The following ATG10 variants were observed in gnomAD, a reference collection of about 807,000 sequenced individuals.
The protein encoded by ATG10 is ubiquitin-like-conjugating enzyme ATG10.
Under a neutral mutation model 32.1 loss-of-function variants are expected in ATG10, and 30 were observed. The ratio of observed to expected loss-of-function variants is 0.94; its 90% confidence interval spans 0.70 to 1.27. The LOEUF is 1.27. ATG10 is among the 50% of genes most tolerant of loss of function. The pLI is 0.00. For missense variants in ATG10, 233 were observed against 262.3 expected (o/e 0.89, Z 0.77); for synonymous variants, 87 against 91.5 (o/e 0.95, Z 0.28).
intron 2 of ATG10, among the ~76,000 whole-genome samples, chr5:82,045,389 T>C (rs1480894914): frequency 6.6e-6 from 1 of 152,078 alleles, no homozygotes; most frequent in Non-Finnish European, 1.5e-5. Context: ...ACCTTAAAAT[T>C]AGGAACACAG....
chr5:82,139,952 C>T (rs1380315281), intron 3 of ATG10, among the ~76,000 whole-genome samples: 227 of 134,762 alleles, frequency 1.7e-3, no homozygotes, highest in African/African-American at 6.0e-3. Context: ...GGGGTCAGCC[C>T]TCCGCCCGGC....
At chr5:82,248,453 T>C (rs1325703016) in intron 5 of ATG10, among the ~76,000 whole-genome samples, 2 of 152,090 alleles carry the variant, frequency 1.3e-5, no homozygotes, top group African/African-American at 4.8e-5. Flanking sequence ...TCTGGGGACA[T>C]TGGGGAAGAG....
chr5:82,042,139 C>T (rs1018179326), intron 2 of ATG10, among the ~76,000 whole-genome samples: 1 of 152,114 alleles, frequency 6.6e-6, no homozygotes, highest in Admixed American at 6.6e-5. Flanking sequence ...TTAATTGACT[C>T]ACAGTTCTGC....
chr5:82,114,421 T>C (rs969416106), intron 3 of ATG10, among the ~76,000 whole-genome samples: 2 of 152,088 alleles, frequency 1.3e-5, no homozygotes, highest in Non-Finnish European at 2.9e-5. Context: ...ATAGAAATTA[T>C]ACTATGCGTA....
At chr5:82,139,710 T>TGGGG (rs1377445803) in intron 3 of ATG10, among the ~76,000 whole-genome samples, 2 of 116,956 alleles carry the variant, frequency 1.7e-5, no homozygotes, top group East Asian at 5.2e-4. Flanking sequence ...GGGAGGGAGG[T>TGGGG]GGGGGGGGGT....
chr5:82,165,132 A>G (rs570520857), intron 4 of ATG10, among the ~76,000 whole-genome samples: 4 of 152,326 alleles, frequency 2.6e-5, no homozygotes, highest in African/African-American at 7.2e-5. Context: ...TTATTTAATC[A>G]GCAGCCACAT....
intron 2 of ATG10, among the ~76,000 whole-genome samples, chr5:82,044,935 T>C (rs2149732559): frequency 6.6e-6 from 1 of 152,332 alleles, no homozygotes; most frequent in Non-Finnish European, 1.5e-5. Context: ...GTGCCTCCCT[T>C]GTACTCTGCT....
At chr5:82,009,520 G>T (rs1311584046) in intron 2 of ATG10, 2 of 1,232,776 alleles carry the variant, frequency 1.6e-6, no homozygotes, top group African/African-American at 1.5e-5. Context: ...GATACTGCGA[G>T]CAAATGGGAT....
chr5:82,041,870 G>T (rs936731879), intron 2 of ATG10, among the ~76,000 whole-genome samples: 6 of 151,822 alleles, frequency 4.0e-5, no homozygotes, highest in African/African-American at 7.3e-5. Context: ...ACCTTCTGCA[G>T]TCCCTAATCT....
chr5:82,108,820 A>T (rs925831026), intron 3 of ATG10, among the ~76,000 whole-genome samples: 1 of 152,034 alleles, frequency 6.6e-6, no homozygotes, highest in Non-Finnish European at 1.5e-5. Context: ...ACCAGGAAGC[A>T]GGAATGGTGT....
At chr5:82,202,804 G>C (rs1349656043) in intron 5 of ATG10, among the ~76,000 whole-genome samples, 1 of 152,202 alleles carries the variant, frequency 6.6e-6, no homozygotes, top group Non-Finnish European at 1.5e-5. Context: ...AGGCCATACT[G>C]TTCCCTTTTC....
chr5:82,014,759 C>T (rs1255945067), intron 2 of ATG10, among the ~76,000 whole-genome samples: 4 of 152,206 alleles, frequency 2.6e-5, no homozygotes, highest in Non-Finnish European at 1.5e-5. Context: ...ATACAGCACA[C>T]TGATGGGCCT....
intron 1 of ATG10, among the ~76,000 whole-genome samples, chr5:81,980,461 C>T (rs912155310): frequency 6.6e-6 from 1 of 152,074 alleles, no homozygotes; most frequent in African/African-American, 2.4e-5. Flanking sequence ...TCTCACTACA[C>T]TTGGAAGCTG....
In ATG10 at chr5:82,254,625, A is replaced by G. The variant is rs1747394193; in HGVS notation, c.*562A>G. ...GCAAAAAAACAAATCTAACTTATTA[A>G]TACTAGGAATACCAACATTATTAGG... On this transcript the variant is annotated 3_prime_UTR_variant, in exon 8 of 8. Transcript: ENST00000282185. The G allele has an allele frequency of 6.6e-6, 1 of 151,884 alleles. No homozygotes were observed. The highest frequency in any genetic ancestry group is 2.1e-4 in the South Asian group (1 of 4,806). The allele number at this position is 151,884 out of a possible 1,614,324, so 9.4% of individuals were successfully genotyped here.
At chr5:82,166,609 A>AT (rs1319611107) in intron 4 of ATG10, among the ~76,000 whole-genome samples, 1 of 151,864 alleles carries the variant, frequency 6.6e-6, no homozygotes, top group African/African-American at 2.4e-5. Context: ...TTTTTCATTT[A>AT]TTCCCCCCCC....
chr5:82,045,065 C>T (rs774892788), intron 2 of ATG10, among the ~76,000 whole-genome samples: 6 of 152,136 alleles, frequency 3.9e-5, no homozygotes, highest in Non-Finnish European at 7.4e-5. Context: ...CTTTCTCTAG[C>T]GGGGATACTT....
chr5:82,065,559 CTTATTTTATGTGA>C (rs1763917271), intron 3 of ATG10, among the ~76,000 whole-genome samples: 1 of 150,960 alleles, frequency 6.6e-6, no homozygotes, highest in South Asian at 2.1e-4. Context: ...CTTGGGATAT[CTTATTTTATGTGA>C]CACTTATTTT....
At chr5:82,058,435 A>T in intron 2 of ATG10, 60 bp from the exon 3 acceptor site, 1 of 1,258,330 alleles carries the variant, frequency 7.9e-7, no homozygotes, top group Non-Finnish European at 1.2e-6. Context: ...TGGTTCTTAA[A>T]ATGATGAATT....
At chr5:81,978,319 C>G (rs753608479) in intron 1 of ATG10, among the ~76,000 whole-genome samples, 1 of 152,218 alleles carries the variant, frequency 6.6e-6, no homozygotes, top group Non-Finnish European at 1.5e-5. Context: ...ATCCATCCAC[C>G]TTGGCCTCCC....
Sources: gnomAD v4.1 joint callset for allele counts (sites outside exome capture counted in the v4.1 genomes callset) on GRCh38, gnomAD v4.1.1 for gene constraint, MANE v1.5 for transcripts, NCBI Gene and HGNC (gene_info 2026-07-23, HGNC 2026-07-21) for gene names.